The following ENTREP3 variants were observed in gnomAD, a reference collection of about 807,000 sequenced individuals.
The protein encoded by ENTREP3 is protein ENTREP3.
At chr1:155,251,005 C>G in the ENTREP3 span, 71 of 1,366,954 alleles carry the variant, frequency 5.2e-5, no homozygotes, top group Non-Finnish European at 7.2e-5. Context: ...ACCACCAACT[C>G]CGCCTTGTTT....
the ENTREP3 span, chr1:155,247,644 A>AATT: frequency 6.0e-6 from 5 of 831,550 alleles, no homozygotes; most frequent in South Asian, 3.0e-5. Context: ...CCCCAGAGGT[A>AATT]GGAGGGAAAG....
the ENTREP3 span, chr1:155,247,805 C>T: frequency 6.8e-7 from 1 of 1,466,930 alleles, no homozygotes; most frequent in South Asian, 1.4e-5. Context: ...TCCCGGCTGC[C>T]CCCGTTGAGG....
the ENTREP3 span, chr1:155,248,237 C>G: frequency 6.2e-7 from 1 of 1,604,426 alleles, no homozygotes; most frequent in Non-Finnish European, 8.5e-7. Flanking sequence ...CTCGGCTGAC[C>G]GGGCACGTAG....
the ENTREP3 span, chr1:155,255,358 G>C: frequency 6.2e-6 from 1 of 160,604 alleles, no homozygotes; most frequent in Non-Finnish European, 1.4e-5. The surrounding 1 kb of genome is among the most constrained non-coding windows in gnomAD (Gnocchi z 5.6). Context: ...ATCCGGGGCC[G>C]CCTGGTGGGG....
At chr1:155,253,275 C>T in the ENTREP3 span, 1 of 213,842 alleles carries the variant, frequency 4.7e-6, no homozygotes, top group Non-Finnish European at 9.2e-6. Context: ...GAACTCCTGG[C>T]CTCAGGTGAT....
chr1:155,254,266 C>T, the ENTREP3 span: 71 of 1,490,608 alleles, frequency 4.8e-5, no homozygotes, highest in Non-Finnish European at 6.1e-5. This position sits in a 1 kb window ranked among gnomAD's most constrained non-coding sequence, Gnocchi z 4.4. Context: ...CAGAGTCCCC[C>T]TCCTTCACAG....
At chr1:155,248,063 T>C in the ENTREP3 span, 1 of 1,614,138 alleles carries the variant, frequency 6.2e-7, no homozygotes, top group Non-Finnish European at 8.5e-7. Context: ...CTTATGTCCA[T>C]GAGCTCCAGT....
chr1:155,250,965 C>G, the ENTREP3 span: 1 of 1,224,024 alleles, frequency 8.2e-7, no homozygotes, highest in Non-Finnish European at 1.1e-6. This position sits in a 1 kb window ranked among gnomAD's most constrained non-coding sequence, Gnocchi z 5.4. Flanking sequence ...TCCAGGGTTC[C>G]AAGTTGCCAC....
At chr1:155,248,672 G>A in the ENTREP3 span, among the ~76,000 whole-genome samples, 1 of 149,710 alleles carries the variant, frequency 6.7e-6, no homozygotes, top group Non-Finnish European at 1.5e-5. Flanking sequence ...CAGTGGTGTT[G>A]TTCAGCACCT....
the ENTREP3 span, chr1:155,253,200 C>A: frequency 6.1e-6 from 1 of 164,362 alleles, no homozygotes; most frequent in South Asian, 1.6e-4. Context: ...CGAGCCACTG[C>A]GCCCGGCCCG....
chr1:155,250,816 T>G, the ENTREP3 span: 1 of 1,601,278 alleles, frequency 6.2e-7, no homozygotes, highest in Non-Finnish European at 8.5e-7. The surrounding 1 kb of genome is among the most constrained non-coding windows in gnomAD (Gnocchi z 5.4). Context: ...CCGCTGTCCA[T>G]GGACACTGTG....
the ENTREP3 span, chr1:155,254,793 G>T: frequency 6.2e-7 from 1 of 1,613,138 alleles, no homozygotes; most frequent in South Asian, 1.1e-5. This position sits in a 1 kb window ranked among gnomAD's most constrained non-coding sequence, Gnocchi z 4.4. Context: ...TGCAGCCAGG[G>T]TCGGTGGAGG....
the ENTREP3 span, chr1:155,254,684 T>A: frequency 6.2e-7 from 1 of 1,610,244 alleles, no homozygotes; most frequent in African/African-American, 1.3e-5. This position sits in a 1 kb window ranked among gnomAD's most constrained non-coding sequence, Gnocchi z 4.4. Context: ...GCAGGACCTC[T>A]TGATGCTCTC....
At chr1:155,253,492 A>C in the ENTREP3 span, 1 of 614,814 alleles carries the variant, frequency 1.6e-6, no homozygotes, top group Non-Finnish European at 2.9e-6. Flanking sequence ...CCAATAGATG[A>C]GGATAATAGA....
At chr1:155,248,200 T>G in the ENTREP3 span, 1 of 1,609,848 alleles carries the variant, frequency 6.2e-7, no homozygotes, top group Non-Finnish European at 8.5e-7. Context: ...GGGGAACTTT[T>G]TGGAAGGTGG....
the ENTREP3 span, chr1:155,253,625 C>A: frequency 1.2e-6 from 2 of 1,610,972 alleles, no homozygotes; most frequent in South Asian, 2.2e-5. Flanking sequence ...CCCTTCTCAC[C>A]GTATGCACGA....
chr1:155,248,027 T>C, the ENTREP3 span: 1 of 1,614,044 alleles, frequency 6.2e-7, no homozygotes, highest in Non-Finnish European at 8.5e-7. Flanking sequence ...CCAAACATCT[T>C]TCCTGGCTCC....
the ENTREP3 span, chr1:155,254,327 TGAG>T: frequency 6.4e-7 from 1 of 1,565,004 alleles, no homozygotes; most frequent in Non-Finnish European, 8.8e-7. This position sits in a 1 kb window ranked among gnomAD's most constrained non-coding sequence, Gnocchi z 4.4. Context: ...GTTCCCTTCT[TGAG>T]GACATAAATG....
the ENTREP3 span, chr1:155,250,266 G>A: frequency 1.3e-6 from 2 of 1,544,738 alleles, no homozygotes; most frequent in African/African-American, 2.8e-5. This position sits in a 1 kb window ranked among gnomAD's most constrained non-coding sequence, Gnocchi z 5.4. Flanking sequence ...CAGTCGGGGA[G>A]GGGGCTCACC....
Sources: gnomAD v4.1 joint callset for allele counts (sites outside exome capture counted in the v4.1 genomes callset) on GRCh38, gnomAD v4.1.1 for gene constraint, Gnocchi (gnomAD v3.1) non-coding constraint, MANE v1.5 for transcripts, NCBI Gene and HGNC (gene_info 2026-07-23, HGNC 2026-07-21) for gene names.